ADGRB3: variants seen among roughly 807,000 people sequenced by gnomAD.
ADGRB3 encodes brain-specific angiogenesis inhibitor 3.
A neutral mutation model predicts 193.4 loss-of-function variants in ADGRB3; 37 were observed. That is an observed-to-expected ratio of 0.19 (90% CI 0.15 to 0.25). The LOEUF is 0.25. ADGRB3 is among the 10% of genes least tolerant of loss of function. The probability of loss-of-function intolerance (pLI) is 1.00; values close to 1 mark genes in which losing one functional copy is unlikely to be tolerated. For missense variants in ADGRB3, 1,637 were observed against 1,852.9 expected (o/e 0.88, Z 2.14); for synonymous variants, 690 against 644.2 (o/e 1.07, Z -1.08).
intron 27 of ADGRB3, among the ~76,000 whole-genome samples, 154 bp downstream of exon 27, chr6:69,354,482 T>C (rs928450129): frequency 6.6e-6 from 1 of 152,214 alleles, no homozygotes; most frequent in African/African-American, 2.4e-5. Flanking sequence ...CACAGAAGTA[T>C]TATTTCCAGA....
At chr6:69,063,618 G>C (rs577216244) in intron 16 of ADGRB3, among the ~76,000 whole-genome samples, 1 of 151,940 alleles carries the variant, frequency 6.6e-6, no homozygotes, top group East Asian at 1.9e-4. Flanking sequence ...AGTGGGTAGC[G>C]TGTAGAAATA....
chr6:69,102,624 C>T (rs764104433), intron 17 of ADGRB3, among the ~76,000 whole-genome samples: 2 of 152,088 alleles, frequency 1.3e-5, no homozygotes, highest in African/African-American at 4.8e-5. Context: ...GTGAATGGAT[C>T]AGTGAGCAGC....
chr6:68,887,819 C>G (rs1052835563), intron 3 of ADGRB3, among the ~76,000 whole-genome samples: 1 of 152,000 alleles, frequency 6.6e-6, no homozygotes, highest in Admixed American at 6.6e-5. Flanking sequence ...TAAGTGGCTG[C>G]CCTATATTGC....
rs1766970996 is a variant in ADGRB3, at chr6:69,263,396, A to G, written c.2814+24170A>G. Among the ~76,000 whole-genome samples, 3 of 152,148 alleles carry G rather than the reference A, an allele frequency of 2.0e-5. 1 individual carries two copies. In the South Asian group the frequency reaches 6.2e-4, roughly 32 times the overall value. ...TGGTAAGAAGAGATATTTTCGCATG[A>G]TGGCACCTAAATGACTTTTGCATTT... On this transcript the variant is annotated intron_variant, in intron 20 of 31. Transcript: ENST00000370598.
intron 3 of ADGRB3, among the ~76,000 whole-genome samples, chr6:68,716,740 T>G (rs773037036): frequency 1.3e-5 from 2 of 151,658 alleles, no homozygotes; most frequent in Non-Finnish European, 3.0e-5. Flanking sequence ...TTGTTAAACT[T>G]TTTTGAGTTC....
intron 3 of ADGRB3, among the ~76,000 whole-genome samples, chr6:68,861,122 G>T (rs944460676): frequency 1.2e-4 from 19 of 152,154 alleles, no homozygotes; most frequent in Non-Finnish European, 2.5e-4. Flanking sequence ...CACTGTGCTA[G>T]TCATTGCTTT....
In ADGRB3 at chr6:68,829,797, T is replaced by G. The variant is rs189240993; in HGVS notation, c.758-100762T>G. Among the ~76,000 whole-genome samples the G allele has an allele frequency of 6.0e-3, 917 of 152,250 alleles. 7 individuals carry two copies. Among genetic ancestry groups the G allele is most frequent in the Admixed American group, 0.025 (383 of 15,288 alleles). ...GGTTATTGATTTTTCCACATTTATC[T>G]AAAATGACTATCATGTAACAGGAGT... On this transcript the variant is annotated intron_variant, in intron 3 of 31. Transcript: ENST00000370598.
intron 3 of ADGRB3, among the ~76,000 whole-genome samples, chr6:68,867,291 C>A (rs530413212): frequency 6.6e-6 from 1 of 152,218 alleles, no homozygotes; most frequent in Admixed American, 6.5e-5. Flanking sequence ...GAAGGTACAG[C>A]TCAGGCTGTG....
chr6:68,812,616 G>T (rs1243101752), intron 3 of ADGRB3, among the ~76,000 whole-genome samples: 3 of 152,046 alleles, frequency 2.0e-5, no homozygotes, highest in Non-Finnish European at 4.4e-5. Context: ...GATTTATTAG[G>T]TGATTAACTG....
chr6:69,334,129 C>A (rs749943242), intron 24 of ADGRB3, among the ~76,000 whole-genome samples: 18 of 151,750 alleles, frequency 1.2e-4, no homozygotes, highest in South Asian at 1.0e-3. Context: ...AGTATTAATG[C>A]CTTTGTTTTT....
chr6:69,328,648 C>G (rs1312261098), intron 22 of ADGRB3, among the ~76,000 whole-genome samples: 2 of 152,184 alleles, frequency 1.3e-5, no homozygotes, highest in East Asian at 3.9e-4. Context: ...GCCAATTAGA[C>G]CCTCTGATAG....
At chr6:68,730,008 A>G (rs1368868443) in intron 3 of ADGRB3, among the ~76,000 whole-genome samples, 2 of 151,624 alleles carry the variant, frequency 1.3e-5, no homozygotes, top group Non-Finnish European at 3.0e-5. Context: ...TTTTGGAAAT[A>G]AGGCTGTATT....
intron 3 of ADGRB3, among the ~76,000 whole-genome samples, chr6:68,810,684 C>A (rs931459734): frequency 4.0e-5 from 6 of 151,782 alleles, no homozygotes; most frequent in Admixed American, 3.3e-4. Flanking sequence ...GTGAGATAGA[C>A]AACAATTAGG....
chr6:68,846,493 G>C (rs1043285975), intron 3 of ADGRB3, among the ~76,000 whole-genome samples: 6 of 152,232 alleles, frequency 3.9e-5, no homozygotes, highest in Non-Finnish European at 7.3e-5. Flanking sequence ...GCAAGGCCCA[G>C]GGGCCCCATG....
intron 3 of ADGRB3, among the ~76,000 whole-genome samples, chr6:68,764,454 C>T (rs1050371122): frequency 1.4e-4 from 22 of 152,278 alleles, no homozygotes; most frequent in African/African-American, 5.3e-4. Flanking sequence ...CTGAAAGTGA[C>T]CACTTTGGCT....
intron 16 of ADGRB3, among the ~76,000 whole-genome samples, chr6:69,064,300 TTAAC>T (rs1202108269): frequency 2.0e-5 from 3 of 151,662 alleles, no homozygotes; most frequent in African/African-American, 4.9e-5. Context: ...TCTAAATAGT[TTAAC>T]TATTTAAACT....
At position 69,380,303 on chromosome 6, in the gene ADGRB3, T is replaced by A. The variant is rs147699684; in HGVS notation, c.4276-2528T>A. ...TCTTGGCCAGAGAATAGTAGGAATA[T>A]CAATGGACATTTCCAGCAACATGGG... On this transcript the variant is annotated intron_variant, in intron 30 of 31. Coordinates refer to ENST00000370598, the MANE Select transcript of ADGRB3 (RefSeq NM_001704.3). 5.6e-3 allele frequency among the ~76,000 whole-genome samples: 846 copies of A among 152,064 alleles called. 3 individuals are homozygous for A. The highest frequency in any genetic ancestry group is 0.01 in the Middle Eastern group (3 of 294).
At chr6:69,033,443 A>G (rs1456173091) in intron 13 of ADGRB3, among the ~76,000 whole-genome samples, 1 of 152,208 alleles carries the variant, frequency 6.6e-6, no homozygotes, top group Non-Finnish European at 1.5e-5. Flanking sequence ...TAGTATTGCT[A>G]CATTCTCTGA....
chr6:69,327,733 C>A, intron 21 of ADGRB3, 87 bp from the exon 22 acceptor site: 2 of 1,020,828 alleles, frequency 2.0e-6, no homozygotes, highest in Admixed American at 2.3e-5. Context: ...CTAATTTGAG[C>A]ACCTGGAGTT....
Sources: allele counts gnomAD v4.1 joint callset (sites outside exome capture counted in the v4.1 genomes callset), GRCh38; gene constraint gnomAD v4.1.1; transcripts MANE v1.5; gene names NCBI Gene and HGNC (gene_info 2026-07-23, HGNC 2026-07-21).